LPAR1: variants seen among roughly 807,000 people sequenced by gnomAD.
LPAR1 encodes lysophosphatidic acid receptor 1, also known as LPA receptor 1.
LPAR1 carries 5 observed loss-of-function variants against 23.8 expected under a neutral mutation model. The observed-to-expected ratio is 0.21, with a 90% CI of 0.11 to 0.44. LPAR1 has a LOEUF of 0.44. LPAR1 is among the 20% of genes least tolerant of loss of function. The pLI is 0.99. For synonymous variants in LPAR1, 160 were observed against 164.7 expected, an observed-to-expected ratio of 0.97 and a Z score of 0.22; for missense variants, 311 against 482.8, an observed-to-expected ratio of 0.64 and a Z score of 3.33.
At chr9:111,034,954 G>A (rs776080119) in intron 2 of LPAR1, among the ~76,000 whole-genome samples, 10 of 151,738 alleles carry the variant, frequency 6.6e-5, no homozygotes, top group Non-Finnish European at 1.5e-4. Flanking sequence ...TTATAAATTC[G>A]TCCCCTGAAT....
At chr9:110,909,941 G>T (rs1383493317) in intron 5 of LPAR1, among the ~76,000 whole-genome samples, 3 of 151,792 alleles carry the variant, frequency 2.0e-5, no homozygotes, top group Non-Finnish European at 4.4e-5. Flanking sequence ...GAGAGACAGG[G>T]TTTCATCATA....
chr9:110,932,300 T>G (rs2094462921), intron 5 of LPAR1, among the ~76,000 whole-genome samples: 1 of 152,238 alleles, frequency 6.6e-6, no homozygotes, highest in African/African-American at 2.4e-5. Context: ...GCCATGATGA[T>G]TCTTCACAGA....
chr9:110,936,107 A>C (rs1032701618), intron 5 of LPAR1, among the ~76,000 whole-genome samples: 1 of 152,118 alleles, frequency 6.6e-6, no homozygotes, highest in Non-Finnish European at 1.5e-5. Flanking sequence ...TCCACTCGTC[A>C]TCACTCTCTG....
chr9:110,906,470 G>A (rs1239934273), intron 5 of LPAR1, among the ~76,000 whole-genome samples: 1 of 152,132 alleles, frequency 6.6e-6, no homozygotes, highest in Non-Finnish European at 1.5e-5. Context: ...TTTAGCCTAT[G>A]CTAGAAATGC....
chr9:110,948,893 T>C (rs1295071180), intron 4 of LPAR1, among the ~76,000 whole-genome samples: 2 of 151,108 alleles, frequency 1.3e-5, no homozygotes, highest in Non-Finnish European at 2.9e-5. Context: ...GATCTTCGTA[T>C]TGGTAAGTGT....
intron 4 of LPAR1, among the ~76,000 whole-genome samples, chr9:110,965,689 T>C (rs1440956300): frequency 6.6e-6 from 1 of 152,198 alleles, no homozygotes; most frequent in Non-Finnish European, 1.5e-5. Context: ...GTGAACTAGT[T>C]CAACCTTTGT....
At chr9:110,917,966 G>A (rs1019366059) in intron 5 of LPAR1, among the ~76,000 whole-genome samples, 4 of 152,118 alleles carry the variant, frequency 2.6e-5, no homozygotes, top group Non-Finnish European at 5.9e-5. Context: ...ACAGTGGCAC[G>A]ATCACAGCTC....
At chr9:110,992,680 T>C (rs1360889467) in intron 2 of LPAR1, among the ~76,000 whole-genome samples, 1 of 152,146 alleles carries the variant, frequency 6.6e-6, no homozygotes, top group African/African-American at 2.4e-5. Flanking sequence ...CTGGTATGTA[T>C]AATACTATCT....
intron 5 of LPAR1, among the ~76,000 whole-genome samples, chr9:110,925,925 T>C (rs1298657872): frequency 6.6e-6 from 1 of 152,048 alleles, no homozygotes; most frequent in African/African-American, 2.4e-5. Context: ...TTTTTTTTTG[T>C]TTTTTGTTTT....
chr9:111,021,097 G>C (rs1252561269), intron 2 of LPAR1, among the ~76,000 whole-genome samples: 1 of 152,136 alleles, frequency 6.6e-6, no homozygotes, highest in Non-Finnish European at 1.5e-5. Flanking sequence ...AAATGTATTT[G>C]AATCAAATGA....
chr9:111,011,836 A>C (rs1467224991), intron 2 of LPAR1, among the ~76,000 whole-genome samples: 1 of 152,216 alleles, frequency 6.6e-6, no homozygotes, highest in Non-Finnish European at 1.5e-5. Flanking sequence ...TAAAACAGTC[A>C]TTTCAAATTG....
intron 4 of LPAR1, among the ~76,000 whole-genome samples, chr9:110,964,777 T>C (rs2096138361): frequency 6.6e-6 from 1 of 151,610 alleles, no homozygotes; most frequent in Non-Finnish European, 1.5e-5. Context: ...AAAATACATA[T>C]TTTGTTGAGA....
intron 5 of LPAR1, among the ~76,000 whole-genome samples, chr9:110,920,850 C>T (rs2093576050): frequency 6.6e-6 from 1 of 152,172 alleles, no homozygotes; most frequent in African/African-American, 2.4e-5. Flanking sequence ...TGGCCAGGCA[C>T]AGTGGCCCAT....
intron 5 of LPAR1, among the ~76,000 whole-genome samples, chr9:110,929,633 A>G (rs2094262545): frequency 6.6e-6 from 1 of 152,126 alleles, no homozygotes; most frequent in Non-Finnish European, 1.5e-5. Context: ...CCTATAAGAC[A>G]AAGGAGAAAA....
chr9:110,937,524 T>C (rs2094803481), intron 5 of LPAR1, among the ~76,000 whole-genome samples: 1 of 152,136 alleles, frequency 6.6e-6, no homozygotes, highest in Non-Finnish European at 1.5e-5. Flanking sequence ...GGATAACAAA[T>C]CAATAACAGT....
At chr9:110,977,788 G>T (rs944449160) in intron 2 of LPAR1, among the ~76,000 whole-genome samples, 1 of 62,668 alleles carries the variant, frequency 1.6e-5, no homozygotes, top group East Asian at 3.3e-4. Context: ...CAGAAGGAAA[G>T]AAGGAAGGAA....
chr9:110,979,539 A>G (rs536449572), intron 2 of LPAR1, among the ~76,000 whole-genome samples: 1 of 152,278 alleles, frequency 6.6e-6, no homozygotes, highest in East Asian at 1.9e-4. Context: ...GCCCACATTA[A>G]ACACAGCATC....
chr9:110,887,536 T>C (rs943293663), intron 5 of LPAR1, among the ~76,000 whole-genome samples: 11 of 152,142 alleles, frequency 7.2e-5, no homozygotes, highest in Non-Finnish European at 8.8e-5. Context: ...TCTAATATGA[T>C]AGCTATGTGT....
rs1479867097 is a variant in LPAR1 at position 110,875,411 on chromosome 9, A to G, written c.*10T>C. ...GAGAGGACGGCTGGTTCCTCATCTCAGTTTCCGTTCTAAACCACAGAGTGG... is the reference window on the plus strand; with the variant it reads ...GAGAGGACGGCTGGTTCCTCATCTCGGTTTCCGTTCTAAACCACAGAGTGG... On this transcript the variant is annotated 3_prime_UTR_variant, in exon 6 of 6. Coordinates refer to ENST00000683809, the MANE Select transcript of LPAR1 (RefSeq NM_001351411.2). 1 of 1,598,722 alleles carries G rather than the reference A, an allele frequency of 6.3e-7. No individual in the cohort carries two copies. Among genetic ancestry groups the G allele is most frequent in the South Asian group, 1.1e-5 (1 of 90,286 alleles).
Sources: allele counts gnomAD v4.1 joint callset (sites outside exome capture counted in the v4.1 genomes callset), GRCh38; gene constraint gnomAD v4.1.1; transcripts MANE v1.5; gene names NCBI Gene and HGNC (gene_info 2026-07-23, HGNC 2026-07-21).